PHRF1: variants seen among roughly 807,000 people sequenced by gnomAD.
The protein encoded by PHRF1 is PHD and RING finger domain-containing protein 1.
In PHRF1, 53 loss-of-function variants were observed where a neutral mutation model predicts 128.9. That is an observed-to-expected ratio of 0.41 (90% CI 0.33 to 0.52). The LOEUF is 0.52. PHRF1 is among the 20% of genes least tolerant of loss of function. The probability of loss-of-function intolerance (pLI) is 0.21; values close to 1 mark genes in which losing one functional copy is unlikely to be tolerated. For synonymous variants in PHRF1, 1,178 were observed against 980.6 expected, an observed-to-expected ratio of 1.20 and a Z score of -3.76; for missense variants, 2,503 against 2,284.5, an observed-to-expected ratio of 1.10 and a Z score of -1.95.
chr11:588,192 CCTGTT>C lies in PHRF1; in HGVS notation c.420+734_420+738del, dbSNP rs201707369. 4.2e-3 allele frequency among the ~76,000 whole-genome samples: 641 copies of C among 152,240 alleles called. 3 individuals carry two copies. Among genetic ancestry groups the C allele is most frequent in the African/African-American group, 0.015 (618 of 41,540 alleles). On this transcript the variant is annotated intron_variant, in intron 4 of 17. Transcript: ENST00000264555. ...CCAGGGTTCCTAGTGACTGGGTCCT[CCTGTT>C]CTGTTTCACTGAGTAGCTGAAAACT... is the stretch of plus-strand genomic sequence containing the variant.
chr11:579,626 C>A (rs1240592961), intron 1 of PHRF1, among the ~76,000 whole-genome samples: 3 of 152,222 alleles, frequency 2.0e-5, no homozygotes, highest in Non-Finnish European at 4.4e-5. Context: ...CAGGGCGTCT[C>A]TGCGGAGTTG....
chr11:606,847 T>C (rs1855979139), intron 13 of PHRF1: 2 of 889,954 alleles, frequency 2.2e-6, no homozygotes, highest in South Asian at 1.8e-5. Context: ...CCCTGGTTAA[T>C]ATCGTGTCCT....
chr11:581,377 C>G (rs903949479), intron 1 of PHRF1, 115 bp from the exon 2 acceptor site: 8 of 793,744 alleles, frequency 1.0e-5, no homozygotes, highest in African/African-American at 1.7e-5. Context: ...TCTTCACGTG[C>G]TGTGGCGGTG....
In PHRF1 at chr11:595,687, G is replaced by C. The variant is rs542856039; in HGVS notation, c.621-1236G>C. The stretch of plus-strand genomic sequence containing the variant: ...TGTGGATGGGCGCCTGCCAGGCGCA[G>C]AGGGGCCTTCTGCTCGGGCCTCAGG... On this transcript the variant is annotated intron_variant, in intron 6 of 17. Transcript: ENST00000264555. 9.8e-5 allele frequency among the ~76,000 whole-genome samples: 15 copies of C among 152,384 alleles called. 1 individual carries two copies. The East Asian group carries it at 2.9e-3, about 29-fold the overall frequency.
Position 609,079 on chromosome 11 carries a change from AGG to A in PHRF1, c.3627_3628del (p.Glu1210AlafsTer41), listed in dbSNP as rs1314100654. The A allele has an allele frequency of 6.2e-7, 1 of 1,601,474 alleles. No individual in the cohort carries two copies. The highest frequency in any genetic ancestry group is 8.5e-7 in the Non-Finnish European group (1 of 1,174,636). On this transcript the variant is annotated frameshift_variant, in exon 14 of 18. Coordinates refer to ENST00000264555, the MANE Select transcript of PHRF1 (RefSeq NM_001286581.2). LOFTEE classifies it high-confidence loss of function. ...GAGGCTTCCCCAGCGCCCCTTGCAC[AGG>A]GGGAGCCAGGGCGGGAAGACCTCCC...
intron 1 of PHRF1, among the ~76,000 whole-genome samples, chr11:578,025 C>T (rs1853990277): frequency 6.6e-6 from 1 of 152,240 alleles, no homozygotes; most frequent in African/African-American, 2.4e-5. Flanking sequence ...GGGCTGTGGT[C>T]TTTTCTGCAG....
Position 597,270 on chromosome 11 carries a change from C to T in PHRF1, c.719-125C>T. The T allele has an allele frequency of 8.0e-7, 1 of 1,244,456 alleles. No individual in the cohort carries two copies. Among genetic ancestry groups the T allele is most frequent in the Non-Finnish European group, 1.1e-6 (1 of 904,322 alleles). The allele number at this position is 1,244,456 out of a possible 1,614,324, so 77.1% of individuals were successfully genotyped here. ...AGGAGCACCAGGCTCCATGAGCAGC[C>T]CTGGGTCCTGTGCACAGGTCAGCCC... On this transcript the variant is annotated intron_variant, in intron 7 of 17. Transcript: ENST00000264555. The surrounding 1 kb of genome is among the most constrained non-coding windows in gnomAD (Gnocchi z 6.5).
At chr11:580,218 A>T (rs745541237) in intron 1 of PHRF1, among the ~76,000 whole-genome samples, 13 of 152,194 alleles carry the variant, frequency 8.5e-5, no homozygotes, top group Non-Finnish European at 1.3e-4. Flanking sequence ...CTGGGAAACA[A>T]GGTCAATAGC....
At chr11:605,826 G>C (rs1030905962) in intron 12 of PHRF1, 102 bp downstream of exon 12, 1 of 1,448,302 alleles carries the variant, frequency 6.9e-7, no homozygotes, top group African/African-American at 1.4e-5. Flanking sequence ...TGTGGCCCTG[G>C]GTGGCGTCAG....
At position 611,993 on chromosome 11, in the gene PHRF1, CTT is replaced by C; in HGVS notation, c.*219_*220del. 3.0e-6 allele frequency: 2 copies of C among 660,670 alleles called. No individual in the cohort carries two copies. Among genetic ancestry groups the C allele is most frequent in the Admixed American group, 3.0e-5 (1 of 33,262 alleles). The allele number at this position is 660,670 out of a possible 1,614,324, so 40.9% of individuals were successfully genotyped here. On this transcript the variant is annotated 3_prime_UTR_variant, in exon 18 of 18. Coordinates refer to ENST00000264555, the MANE Select transcript of PHRF1 (RefSeq NM_001286581.2). Reference sequence around the variant, plus strand: ...GTTGCTCACAGTTGAAAACTGGACACTTTTGTATGTATATTATAGAGACACTG... The same window carrying C: ...GTTGCTCACAGTTGAAAACTGGACACTTGTATGTATATTATAGAGACACTG...
intron 9 of PHRF1, among the ~76,000 whole-genome samples, chr11:601,358 G>T (rs145800608): frequency 4.0e-5 from 6 of 151,674 alleles, no homozygotes; most frequent in African/African-American, 1.5e-4. Context: ...GAGCCCAGGA[G>T]TTGGAGGCTG....
chr11:578,992 G>C (rs531091722), intron 1 of PHRF1, among the ~76,000 whole-genome samples: 1 of 151,938 alleles, frequency 6.6e-6, no homozygotes, highest in Admixed American at 6.6e-5. Flanking sequence ...GGTGCACGCC[G>C]CCATGCCCGG....
At position 591,465 on chromosome 11, in the gene PHRF1, A is replaced by G. The variant is rs757526180; in HGVS notation, c.502A>G (p.Lys168Glu). 2.5e-6 allele frequency: 4 copies of G among 1,607,622 alleles called. No homozygotes were observed. Among genetic ancestry groups the G allele is most frequent in the Non-Finnish European group, 3.4e-6 (4 of 1,177,038 alleles). Residue 168 changes from lysine to glutamate, a missense_variant and splice_region_variant, in exon 5 of 18, where the codon AAG becomes GAG. Coordinates refer to ENST00000264555, the MANE Select transcript of PHRF1 (RefSeq NM_001286581.2). Reference protein sequence around the residue: ...RAQFGGKILRKIPVENTKASE... With the variant: ...RAQFGGKILREIPVENTKASE... ...TCAATTTGGTGGTAAAATCTTAAGA[A>G]AGGTGAGTGTGGACGCTGCCGTGGA...
At chr11:588,536 C>T (rs547042322) in intron 4 of PHRF1, among the ~76,000 whole-genome samples, 10 of 152,152 alleles carry the variant, frequency 6.6e-5, no homozygotes, top group African/African-American at 1.9e-4. Flanking sequence ...CCCACCACCA[C>T]GCCAGGGCAA....
chr11:596,343 C>G (rs978338185), intron 6 of PHRF1, among the ~76,000 whole-genome samples: 1 of 152,228 alleles, frequency 6.6e-6, no homozygotes, highest in African/African-American at 2.4e-5. Flanking sequence ...AACATAGTTT[C>G]CTTTCAGCAA....
Position 609,505 on chromosome 11 carries a change from A to T in PHRF1, c.4049A>T (p.Asp1350Val), listed in dbSNP as rs779819079. The part of the protein sequence containing the change: ...GTQEPHLLRP[D>V]AAEKAEAPSS... ...CAGGAGCCACATTTGCTCAGGCCGG[A>T]CGCGGCTGAGAAGGCTGAGGCACCC... is the stretch of plus-strand genomic sequence containing the variant. The change falls in exon 14 of 18, where the codon GAC (aspartate) becomes GTC (valine). Residue 1350 changes from aspartate to valine, a missense_variant. Physicochemically the swap from Asp to Val is radical, Grantham distance 152. Transcript: ENST00000264555. The T allele has an allele frequency of 1.2e-6, 2 of 1,603,490 alleles. No homozygotes were observed. Among genetic ancestry groups the T allele is most frequent in the South Asian group, 2.2e-5 (2 of 90,404 alleles).
At chr11:588,710 TC>T (rs1258321633) in intron 4 of PHRF1, among the ~76,000 whole-genome samples, 3 of 152,188 alleles carry the variant, frequency 2.0e-5, no homozygotes, top group Admixed American at 2.0e-4. Flanking sequence ...TGTAGATTTT[TC>T]TTTTGGCAAG....
In PHRF1 at chr11:599,800, T is replaced by C. The variant is rs572814597; in HGVS notation, c.1024+1298T>C. On this transcript the variant is annotated intron_variant, in intron 9 of 17. Transcript: ENST00000264555. ...CTCCAGAGGACTCGGCGTCTGTGGG[T>C]CTGGTGCAGGGTCCTGGGGCTCCGG... 5.3e-5 allele frequency among the ~76,000 whole-genome samples: 8 copies of C among 151,348 alleles called. No homozygotes were observed. The East Asian group carries it at 1.6e-3, about 29-fold the overall frequency.
chr11:609,628 C>T lies in PHRF1; in HGVS notation c.4172C>T (p.Thr1391Ile), dbSNP rs777455240. 4.1e-5 allele frequency: 65 copies of T among 1,580,678 alleles called. No individual in the cohort carries two copies. Among genetic ancestry groups the T allele is most frequent in the Middle Eastern group, 1.7e-4 (1 of 6,010 alleles). Residue 1391 changes from threonine to isoleucine, a missense_variant, in exon 14 of 18, where the codon ACC becomes ATC. Coordinates refer to ENST00000264555, the MANE Select transcript of PHRF1 (RefSeq NM_001286581.2). ...CGGCCTGAGGAGGTGGTTTCGCAGA[C>T]CCCCCTGCTGCGGTCCAGAGCCCTG... ...AARPEEVVSQ[T>I]PLLRSRALVK...
Sources: allele counts gnomAD v4.1 joint callset (sites outside exome capture counted in the v4.1 genomes callset), GRCh38; gene constraint gnomAD v4.1.1; non-coding constraint Gnocchi (gnomAD v3.1); transcripts MANE v1.5; gene names NCBI Gene and HGNC (gene_info 2026-07-23, HGNC 2026-07-21).